The following SNED1 variants were observed in gnomAD, a reference collection of about 807,000 sequenced individuals.
SNED1 encodes the protein sushi, nidogen and EGF-like domain-containing protein 1.
A neutral mutation model predicts 166.7 loss-of-function variants in SNED1; 81 were observed. The observed-to-expected ratio is 0.49, with a 90% confidence interval of 0.41 to 0.58. SNED1 has a LOEUF of 0.58. SNED1 is among the 20% of genes least tolerant of loss of function. The pLI is 0.00. For missense variants in SNED1, 1,604 were observed against 2,000.2 expected, an observed-to-expected ratio of 0.80 and a Z score of 3.78; for synonymous variants, 762 against 822.0, an observed-to-expected ratio of 0.93 and a Z score of 1.25.
At chr2:241,003,726 C>A (rs2060139136) in intron 1 of SNED1, among the ~76,000 whole-genome samples, 1 of 152,204 alleles carries the variant, frequency 6.6e-6, no homozygotes, top group Admixed American at 6.5e-5. Context: ...CTGCACTGCC[C>A]CACCTCTGCA....
chr2:241,057,412 T>TATATATATGC lies in SNED1; in HGVS notation c.2257+4086_2257+4087insATATATATGC, dbSNP rs1553574678. ...ATATATATATATATATATATATATA[T>TATATATATGC]GCCATACGCAGTGGCTCACACATAT... On this transcript the variant is annotated intron_variant, in intron 16 of 31. Transcript: ENST00000310397. Among the ~76,000 whole-genome samples, 94 of 129,376 alleles carry TATATATATGC rather than the reference T, an allele frequency of 7.3e-4. 1 individual carries two copies. Among genetic ancestry groups the TATATATATGC allele is most frequent in the African/African-American group, 2.5e-3 (86 of 33,862 alleles). The allele number at this position is 129,376 out of a possible 152,430, so 84.9% of individuals were successfully genotyped here.
chr2:241,078,868 C>T (rs1559305884), intron 27 of SNED1, among the ~76,000 whole-genome samples: 1 of 152,014 alleles, frequency 6.6e-6, no homozygotes, highest in Non-Finnish European at 1.5e-5. Context: ...AATCCCAGCA[C>T]TTTGGGAGGC....
intron 6 of SNED1, among the ~76,000 whole-genome samples, chr2:241,039,410 G>C (rs530586857): frequency 6.6e-6 from 1 of 152,306 alleles, no homozygotes; most frequent in East Asian, 1.9e-4. Context: ...TTCTGGGTAT[G>C]AGCTGTCAGT....
chr2:241,020,528 C>G (rs1466940392), intron 1 of SNED1, among the ~76,000 whole-genome samples: 2 of 152,204 alleles, frequency 1.3e-5, no homozygotes, highest in African/African-American at 2.4e-5. Flanking sequence ...TCTTGTAAAT[C>G]CAAGATGGCT....
chr2:241,038,070 C>CCG (rs139180692), intron 6 of SNED1, among the ~76,000 whole-genome samples: 1 of 68,096 alleles, frequency 1.5e-5, no homozygotes, highest in Non-Finnish European at 3.8e-5. Context: ...GAAAGGTGGA[C>CCG]CCCCCCCCAA....
intron 15 of SNED1, 74 bp from the exon 16 acceptor site, chr2:241,053,079 C>A: frequency 7.0e-7 from 1 of 1,428,588 alleles, no homozygotes; most frequent in Non-Finnish European, 9.5e-7. Context: ...GCAGTCGGGT[C>A]GGGCAGAGGC....
rs1050477527 is a variant in SNED1 at position 240,999,235 on chromosome 2, C to T, written c.213+185C>T. ...CGGACAGCGGCCCGCGGGAGAGGCG[C>T]GCGGGCGGGGCGGGGGCGGCAGCCG... On this transcript the variant is annotated intron_variant, in intron 1 of 31. Coordinates refer to ENST00000310397, the MANE Select transcript of SNED1 (RefSeq NM_001080437.3). The surrounding 1 kb of genome is among the most constrained non-coding windows in gnomAD (Gnocchi z 5.8). Among the ~76,000 whole-genome samples, 23 of 149,706 alleles carry T rather than the reference C, an allele frequency of 1.5e-4. No individual in the cohort carries two copies. The highest frequency in any genetic ancestry group is 3.3e-4 in the Non-Finnish European group (22 of 67,200).
intron 25 of SNED1, 32 bp downstream of exon 25, chr2:241,071,752 GAGGC>G: frequency 9.7e-7 from 1 of 1,026,496 alleles, no homozygotes; most frequent in Middle Eastern, 2.6e-4. Context: ...CCCATCGCCC[GAGGC>G]GGCGCTCGGA....
intron 1 of SNED1, among the ~76,000 whole-genome samples, chr2:241,001,531 A>G (rs1435721148): frequency 2.0e-5 from 3 of 152,360 alleles, no homozygotes; most frequent in East Asian, 3.9e-4. Flanking sequence ...ACAGACAAAG[A>G]TAATGCAGCC....
chr2:241,066,227 C>T (rs78949767), intron 21 of SNED1, among the ~76,000 whole-genome samples: 122 of 152,188 alleles, frequency 8.0e-4, no homozygotes, highest in African/African-American at 2.4e-3. Context: ...AGGGGAGGCC[C>T]GGGTTGTGCA....
At chr2:241,086,258 T>A (rs2063570496) in intron 29 of SNED1, among the ~76,000 whole-genome samples, 1 of 152,216 alleles carries the variant, frequency 6.6e-6, no homozygotes. Context: ...CTTCTTTGCC[T>A]TGTGGGGATT....
chr2:241,040,559 C>G, intron 8 of SNED1, 146 bp downstream of exon 8: 2 of 619,426 alleles, frequency 3.2e-6, no homozygotes, highest in Non-Finnish European at 5.6e-6. Context: ...TGCCCCCTTC[C>G]CACTCCCCAG....
chr2:241,052,320 GAC>G, intron 14 of SNED1, 33 bp from the exon 15 acceptor site: 1 of 1,539,066 alleles, frequency 6.5e-7, no homozygotes, highest in Non-Finnish European at 8.8e-7. Flanking sequence ...CTTCAGGGAA[GAC>G]ACAGTGGCCA....
At chr2:241,065,141 C>G (rs745842075) in intron 20 of SNED1, among the ~76,000 whole-genome samples, 158 bp from the exon 21 acceptor site, 5 of 152,084 alleles carry the variant, frequency 3.3e-5, no homozygotes, top group Admixed American at 1.3e-4. Context: ...AAAGTGTGAC[C>G]CTCCTGGAGG....
At chr2:241,040,772 A>C (rs1432038644) in intron 8 of SNED1, 1 of 472,178 alleles carries the variant, frequency 2.1e-6, no homozygotes, top group East Asian at 6.7e-5. Flanking sequence ...GACTTTTTTA[A>C]CATCTTCCTC....
chr2:241,062,729 G>A, intron 16 of SNED1, 62 bp from the exon 17 acceptor site: 1 of 1,095,530 alleles, frequency 9.1e-7, no homozygotes, highest in Non-Finnish European at 1.4e-6. Flanking sequence ...ACTAGTTTAT[G>A]TGCATCTTAA....
rs183507744 is a variant in SNED1, at chr2:241,023,785, A to G, written c.214-6499A>G. Among the ~76,000 whole-genome samples the G allele has an allele frequency of 1.2e-3, 189 of 152,172 alleles. 3 individuals carry two copies. The highest frequency in any genetic ancestry group is 0.012 in the Admixed American group (182 of 15,284). On this transcript the variant is annotated intron_variant, in intron 1 of 31. Coordinates refer to ENST00000310397, the MANE Select transcript of SNED1 (RefSeq NM_001080437.3). ...TGCCTTATGGCCTTTTTAATCTGAT[A>G]ATAATGTGATTATACCAGCTCTTGC...
chr2:241,036,797 G>A lies in SNED1; in HGVS notation c.813G>A (p.Val271=). Residue 271 remains valine (V), a synonymous_variant, in exon 5 of 32, where the codon GTG becomes GTA. Coordinates refer to ENST00000310397, the MANE Select transcript of SNED1 (RefSeq NM_001080437.3). Reference sequence around the variant, plus strand: ...CCCTCCCTATGTCTGCAGCGTCCGTGTGCCTGGCCCTGCGCCCCTGCCTCA... The same window carrying A: ...CCCTCCCTATGTCTGCAGCGTCCGTATGCCTGGCCCTGCGCCCCTGCCTCA... The part of the protein sequence containing the change: ...RVGGCGHTTS[V]CLALRPCLNG... 1.2e-6 allele frequency: 2 copies of A among 1,608,506 alleles called. No individual in the cohort carries two copies. The highest frequency in any genetic ancestry group is 1.7e-6 in the Non-Finnish European group (2 of 1,179,634).
At chr2:241,012,587 TG>T (rs1422526283) in intron 1 of SNED1, among the ~76,000 whole-genome samples, 5 of 152,222 alleles carry the variant, frequency 3.3e-5, no homozygotes, top group African/African-American at 1.2e-4. Flanking sequence ...GGTACACATT[TG>T]GGTCTGCTAT....
Sources: gnomAD v4.1 joint callset for allele counts (sites outside exome capture counted in the v4.1 genomes callset) on GRCh38, gnomAD v4.1.1 for gene constraint, Gnocchi (gnomAD v3.1) non-coding constraint, MANE v1.5 for transcripts, NCBI Gene and HGNC (gene_info 2026-07-23, HGNC 2026-07-21) for gene names.